The following MYOM1 variants were observed in gnomAD, a reference collection of about 807,000 sequenced individuals.
MYOM1 encodes the protein myomesin 1, also known as myomesin-1.
A neutral mutation model predicts 205.3 loss-of-function variants in MYOM1; 164 were observed. The observed-to-expected ratio is 0.80, with a 90% CI of 0.70 to 0.91. The LOEUF (loss-of-function observed/expected upper bound fraction) is 0.91, where lower values mean the gene tolerates loss of function less well. MYOM1 is among the 40% of genes least tolerant of loss of function. The pLI is 0.00. For missense variants in MYOM1, 2,011 were observed against 2,127.3 expected (o/e 0.95, Z 1.08); for synonymous variants, 772 against 789.4 (o/e 0.98, Z 0.37).
At chr18:3,156,703 T>C (rs2080306409) in intron 10 of MYOM1, among the ~76,000 whole-genome samples, 1 of 151,976 alleles carries the variant, frequency 6.6e-6, no homozygotes, top group Non-Finnish European at 1.5e-5. Context: ...CCTCCCGGGT[T>C]CACGCCATTC....
At chr18:3,193,288 A>G (rs2080938817) in intron 3 of MYOM1, among the ~76,000 whole-genome samples, 1 of 149,852 alleles carries the variant, frequency 6.7e-6, no homozygotes, top group African/African-American at 2.5e-5. Flanking sequence ...ACATAAATAT[A>G]TATACATATA....
intron 2 of MYOM1, among the ~76,000 whole-genome samples, chr18:3,197,749 T>C (rs1238742463): frequency 2.0e-5 from 3 of 151,888 alleles, no homozygotes; most frequent in South Asian, 2.1e-4. Context: ...GGCAGGCGCC[T>C]GTGGTCCCAG....
chr18:3,151,628 G>GA, intron 12 of MYOM1, 66 bp downstream of exon 12: 3 of 1,408,582 alleles, frequency 2.1e-6, no homozygotes, highest in Non-Finnish European at 2.9e-6. Flanking sequence ...ACCTTGCAAT[G>GA]AAGCTGATTC....
At chr18:3,216,086 G>A (rs1047353341) in intron 1 of MYOM1, among the ~76,000 whole-genome samples, 2 of 152,076 alleles carry the variant, frequency 1.3e-5, no homozygotes, top group Admixed American at 1.3e-4. Flanking sequence ...CGGCCAACAT[G>A]GCGAAACCCC....
chr18:3,127,459 C>T (rs2079811850), intron 18 of MYOM1, among the ~76,000 whole-genome samples: 1 of 151,602 alleles, frequency 6.6e-6, no homozygotes, highest in African/African-American at 2.4e-5. Context: ...TAGGTGTGCA[C>T]CACCATGCCC....
chr18:3,231,039 A>C, the MYOM1 span, among the ~76,000 whole-genome samples: 685 of 152,286 alleles, frequency 4.5e-3, 6 homozygotes, highest in African/African-American at 0.016. Flanking sequence ...ACAGGAAAGC[A>C]CTCAATGCCT....
intron 20 of MYOM1, among the ~76,000 whole-genome samples, chr18:3,118,532 C>G (rs2079639032): frequency 6.6e-6 from 1 of 152,064 alleles, no homozygotes; most frequent in Non-Finnish European, 1.5e-5. Flanking sequence ...TGAGGCCTCA[C>G]CACGTTGCCC....
At position 3,188,972 on chromosome 18, in the gene MYOM1, G is replaced by A. The variant is rs1454766755; in HGVS notation, c.547C>T (p.Gln183Ter). The stretch of plus-strand genomic sequence containing the variant: ...GTGGTCTGCTTGGATGCCGTGGACT[G>A]TTTAGATGTTGTGATTCCTTCCTCA... ...ASEEGITTSK[Q>*]STASKQTTAS... is the part of the protein sequence containing the mutation. Residue 183 changes from glutamine (Q) to a stop codon, truncating the protein, a stop_gained, in exon 4 of 38, where the codon CAG becomes TAG. Transcript: ENST00000356443. LOFTEE classifies it high-confidence loss of function. 1 of 1,613,300 alleles carries A rather than the reference G, an allele frequency of 6.2e-7. No homozygotes were observed. Among genetic ancestry groups the A allele is most frequent in the South Asian group, 1.1e-5 (1 of 91,060 alleles).
In MYOM1 at chr18:3,173,856, A is replaced by T. The variant is rs1040598638; in HGVS notation, c.1174+82T>A. The stretch of plus-strand genomic sequence containing the variant: ...ATATACTATGTTATATATAGTATGC[A>T]TTTATTTCAGCATTATGGGCTAACT... On this transcript the variant is annotated intron_variant, in intron 8 of 37. Transcript: ENST00000356443. 1.6e-5 allele frequency: 20 copies of T among 1,269,992 alleles called. No individual in the cohort carries two copies. In the African/African-American group the frequency reaches 1.9e-4, roughly 12 times the overall value. 78.7% of individuals were successfully genotyped at this position (1,269,992 alleles called of 1,614,324 possible). A position where few individuals can be genotyped will look rare whatever the true frequency, so the allele number is the denominator to read the frequency against.
At chr18:3,220,841 T>C (rs866876540), upstream of MYOM1, among the ~76,000 whole-genome samples, 1 of 152,236 alleles carries the variant, frequency 6.6e-6, no homozygotes, top group South Asian at 2.1e-4. Context: ...GACAGAGCAC[T>C]TGACCTAGTG....
the MYOM1 span, among the ~76,000 whole-genome samples, chr18:3,225,144 C>A: frequency 6.6e-6 from 1 of 152,114 alleles, no homozygotes; most frequent in Non-Finnish European, 1.5e-5. Flanking sequence ...CCTGCCACCA[C>A]GCCCAACTAA....
chr18:3,127,301 ATATATTTT>A (rs1241148290), intron 18 of MYOM1, among the ~76,000 whole-genome samples: 7 of 47,910 alleles, frequency 1.5e-4, no homozygotes, highest in Admixed American at 2.1e-4. Context: ...ATATATATAT[ATATATTTT>A]TTTTTTTTTT....
rs2080235323 is a variant in MYOM1, at chr18:3,152,435, G to A, written c.1644-542C>T. Reference sequence around the variant, plus strand: ...AGGGTAAGAAGGTTATTGTGAAGATGTTTGTTTCTTTAACAGAAGAGACTG... The same window carrying A: ...AGGGTAAGAAGGTTATTGTGAAGATATTTGTTTCTTTAACAGAAGAGACTG... On this transcript the variant is annotated intron_variant, in intron 11 of 37. Transcript: ENST00000356443. This position sits in a 1 kb window ranked among gnomAD's most constrained non-coding sequence, Gnocchi z 4.3. Among the ~76,000 whole-genome samples, 2 of 152,182 alleles carry A rather than the reference G, an allele frequency of 1.3e-5. No individual in the cohort carries two copies. The highest frequency in any genetic ancestry group is 4.1e-4 in the South Asian group (2 of 4,836).
the MYOM1 span, among the ~76,000 whole-genome samples, chr18:3,227,489 T>C: frequency 6.6e-6 from 1 of 152,036 alleles, no homozygotes. Flanking sequence ...TATAGCTTAA[T>C]GGGTAGAGTT....
At chr18:3,118,962 G>C (rs1014039062) in intron 20 of MYOM1, among the ~76,000 whole-genome samples, 1 of 152,200 alleles carries the variant, frequency 6.6e-6, no homozygotes, top group African/African-American at 2.4e-5. Context: ...GTTTCAAACA[G>C]AGGAAGCAAG....
At chr18:3,214,521 AT>A (rs1448535634) in intron 2 of MYOM1, among the ~76,000 whole-genome samples, 1 of 152,200 alleles carries the variant, frequency 6.6e-6, no homozygotes, top group African/African-American at 2.4e-5. Flanking sequence ...GGGCTGCCGT[AT>A]TTAAGAAGTA....
chr18:3,157,680 A>AAATAATAATAAT (rs55669820), intron 10 of MYOM1, among the ~76,000 whole-genome samples: 25 of 139,714 alleles, frequency 1.8e-4, no homozygotes, highest in South Asian at 7.0e-4. Flanking sequence ...TTGTCTCCAA[A>AAATAATAATAAT]AATAATAATA....
rs1414851091 is a variant in MYOM1 at position 3,215,035 on chromosome 18, C to G, written c.189G>C (p.Arg63=). The part of the protein sequence containing the change: ...AHRRESEAFR[R]ASASSSQQQA... ...GCTGCTGGGAGGAGGAGGCGGACGCCCGACGGAAGGCCTCGGACTCCCGGC... is the reference window on the plus strand; with the variant it reads ...GCTGCTGGGAGGAGGAGGCGGACGCGCGACGGAAGGCCTCGGACTCCCGGC... Residue 63 remains arginine (R), a synonymous_variant, in exon 2 of 38, where the codon CGG becomes CGC. Transcript: ENST00000356443. 1 of 1,612,688 alleles carries G rather than the reference C, an allele frequency of 6.2e-7. No homozygotes were observed.
chr18:3,079,104 T>C (rs2079054287), intron 34 of MYOM1, 75 bp downstream of exon 34: 2 of 1,491,882 alleles, frequency 1.3e-6, no homozygotes, highest in Non-Finnish European at 9.1e-7. Flanking sequence ...TAAGCCACCA[T>C]GCCCAACTCC....
Sources: allele counts gnomAD v4.1 joint callset (sites outside exome capture counted in the v4.1 genomes callset), GRCh38; gene constraint gnomAD v4.1.1; non-coding constraint Gnocchi (gnomAD v3.1); transcripts MANE v1.5; gene names NCBI Gene and HGNC (gene_info 2026-07-23, HGNC 2026-07-21).